The following CNTNAP2 variants were observed in gnomAD, a reference collection of about 807,000 sequenced individuals.
The protein encoded by CNTNAP2 is contactin-associated protein-like 2.
CNTNAP2 carries 98 observed loss-of-function variants against 155.2 expected under a neutral mutation model. The ratio of observed to expected loss-of-function variants is 0.63; its 90% confidence interval spans 0.54 to 0.75. The LOEUF (loss-of-function observed/expected upper bound fraction) is 0.75, where lower values mean the gene tolerates loss of function less well. Among genes scored for constraint, CNTNAP2 ranks in the 30% least tolerant of loss-of-function variants. CNTNAP2 has a pLI of 0.00. For missense variants in CNTNAP2, 1,727 were observed against 1,688.1 expected (o/e 1.02, Z -0.40); for synonymous variants, 651 against 631.2 (o/e 1.03, Z -0.47).
intron 1 of CNTNAP2, among the ~76,000 whole-genome samples, chr7:146,151,018 C>T (rs1584773938): frequency 6.6e-6 from 1 of 152,160 alleles, no homozygotes; most frequent in African/African-American, 2.4e-5. Flanking sequence ...AGCAAGGCAC[C>T]TTCATCACAA....
At chr7:146,549,902 C>G (rs1405313756) in intron 1 of CNTNAP2, among the ~76,000 whole-genome samples, 1 of 152,018 alleles carries the variant, frequency 6.6e-6, no homozygotes, top group African/African-American at 2.4e-5. Flanking sequence ...GCAGTAGAAT[C>G]AACACTGTAA....
At chr7:148,178,000 T>G (rs2116698933) in intron 18 of CNTNAP2, among the ~76,000 whole-genome samples, 1 of 152,208 alleles carries the variant, frequency 6.6e-6, no homozygotes, top group Non-Finnish European at 1.5e-5. Context: ...CTTGAATGTA[T>G]AGTTGAATCT....
intron 1 of CNTNAP2, among the ~76,000 whole-genome samples, chr7:146,651,505 T>C (rs1044371747): frequency 6.6e-6 from 1 of 152,200 alleles, no homozygotes; most frequent in African/African-American, 2.4e-5. Context: ...TAAACTGGTA[T>C]GGACATGTGG....
intron 3 of CNTNAP2, among the ~76,000 whole-genome samples, chr7:147,015,817 A>C (rs983985007): frequency 1.3e-5 from 2 of 152,098 alleles, no homozygotes; most frequent in African/African-American, 4.8e-5. Context: ...CTTATATTCT[A>C]TCTCTAATAT....
intron 10 of CNTNAP2, among the ~76,000 whole-genome samples, chr7:147,463,112 T>C (rs993149087): frequency 3.9e-5 from 6 of 152,230 alleles, no homozygotes; most frequent in African/African-American, 1.4e-4. Flanking sequence ...AGATGAGATT[T>C]GTGCCCTGGG....
In CNTNAP2 at chr7:147,810,262, A is replaced by G. The variant is rs567131279; in HGVS notation, c.2099-93303A>G. On this transcript the variant is annotated intron_variant, in intron 13 of 23. Coordinates refer to ENST00000361727, the MANE Select transcript of CNTNAP2 (RefSeq NM_014141.6). ...CAATAATATAATTTTACTTTTTAGCACACCAGAAGCATATTATTTTGGAAG... is the reference window on the plus strand; with the variant it reads ...CAATAATATAATTTTACTTTTTAGCGCACCAGAAGCATATTATTTTGGAAG... Among the ~76,000 whole-genome samples, 43 of 151,528 alleles carry G rather than the reference A, an allele frequency of 2.8e-4. No homozygotes were observed. The South Asian group carries it at 5.0e-3, about 18-fold the overall frequency.
chr7:147,259,723 G>T (rs551248391), intron 8 of CNTNAP2, among the ~76,000 whole-genome samples: 170 of 152,322 alleles, frequency 1.1e-3, no homozygotes, highest in Non-Finnish European at 2.1e-3. Flanking sequence ...CTCAAAGGTT[G>T]AGGCTGTTTT....
At chr7:147,417,937 C>A (rs759759976) in intron 10 of CNTNAP2, among the ~76,000 whole-genome samples, 38 of 152,160 alleles carry the variant, frequency 2.5e-4, no homozygotes, top group Non-Finnish European at 4.7e-4. Flanking sequence ...CATTTGCTAT[C>A]AAACTGGTTT....
intron 10 of CNTNAP2, among the ~76,000 whole-genome samples, chr7:147,436,525 C>A (rs2697453): frequency 0.33 from 49,803 of 151,878 alleles, 8,644 homozygotes; most frequent in Admixed American, 0.38. Context: ...ACAAGATAAA[C>A]TCAGAATACA....
rs1033988295 is a variant in CNTNAP2, at chr7:147,530,075, C to T, written c.1778-32063C>T. 1.7e-4 allele frequency among the ~76,000 whole-genome samples: 26 copies of T among 152,220 alleles called. 1 individual carries two copies. In the South Asian group the frequency reaches 1.9e-3, roughly 11 times the overall value. Reference sequence around the variant, plus strand: ...AATAACATCTGTATTAGTCTGTTTTCACACTGCTGATAAGGACATACCTGA... The same window carrying T: ...AATAACATCTGTATTAGTCTGTTTTTACACTGCTGATAAGGACATACCTGA... On this transcript the variant is annotated intron_variant, in intron 11 of 23. Transcript: ENST00000361727.
In CNTNAP2 at chr7:146,548,323, T is replaced by A. The variant is rs1256966087; in HGVS notation, c.98-225948T>A. Among the ~76,000 whole-genome samples, 4 of 152,198 alleles carry A rather than the reference T, an allele frequency of 2.6e-5. No individual in the cohort carries two copies. The East Asian group carries it at 7.7e-4, about 29-fold the overall frequency. On this transcript the variant is annotated intron_variant, in intron 1 of 23. Transcript: ENST00000361727. ...TGTTCTTTTTTATGGATGCATAGTATTCCTTGGTGTATGTGTACCACATTT... is the reference window on the plus strand; with the variant it reads ...TGTTCTTTTTTATGGATGCATAGTAATCCTTGGTGTATGTGTACCACATTT...
intron 13 of CNTNAP2, among the ~76,000 whole-genome samples, chr7:147,712,107 C>G (rs1796408940): frequency 6.6e-6 from 1 of 152,116 alleles, no homozygotes; most frequent in East Asian, 1.9e-4. Context: ...TACTCACGTT[C>G]CTTCAGGCAA....
At chr7:148,177,702 T>C (rs564696386) in intron 18 of CNTNAP2, among the ~76,000 whole-genome samples, 1 of 152,246 alleles carries the variant, frequency 6.6e-6, no homozygotes, top group South Asian at 2.1e-4. Flanking sequence ...AAGGAGATGG[T>C]TGTAGTAGCC....
rs1272806477 is a variant in CNTNAP2, at chr7:147,033,158, A to ATG, written c.403-10747_403-10746dup. Among the ~76,000 whole-genome samples, 52 of 74,626 alleles carry ATG rather than the reference A, an allele frequency of 7.0e-4. No individual in the cohort carries two copies. The South Asian group carries it at 7.1e-3, about 10-fold the overall frequency. 49.0% of individuals were successfully genotyped at this position (74,626 alleles called of 152,430 possible). Reference sequence around the variant, plus strand: ...AGAGGATATTGCTGCATATATATATATGTATATATATATATATATATATAT... The same window carrying ATG: ...AGAGGATATTGCTGCATATATATATATGTGTATATATATATATATATATATAT... On this transcript the variant is annotated intron_variant, in intron 3 of 23. Coordinates refer to ENST00000361727, the MANE Select transcript of CNTNAP2 (RefSeq NM_014141.6).
intron 1 of CNTNAP2, among the ~76,000 whole-genome samples, chr7:146,228,442 G>C (rs189694774): frequency 4.0e-4 from 61 of 152,244 alleles, no homozygotes; most frequent in Non-Finnish European, 6.6e-4. Context: ...TTGTATAAAA[G>C]TTAAATGAAT....
intron 8 of CNTNAP2, among the ~76,000 whole-genome samples, chr7:147,267,736 G>A (rs1474451156): frequency 1.3e-5 from 2 of 152,162 alleles, no homozygotes; most frequent in Non-Finnish European, 2.9e-5. Context: ...CATAAAATTT[G>A]TACTTAATTT....
intron 8 of CNTNAP2, among the ~76,000 whole-genome samples, chr7:147,223,473 T>G (rs1490983935): frequency 6.6e-6 from 1 of 152,098 alleles, no homozygotes; most frequent in African/African-American, 2.4e-5. Context: ...ACACTGCAGC[T>G]AAGGGACCCC....
intron 1 of CNTNAP2, among the ~76,000 whole-genome samples, chr7:146,528,973 A>G (rs868297431): frequency 6.6e-6 from 1 of 152,220 alleles, no homozygotes; most frequent in South Asian, 2.1e-4. Flanking sequence ...CAAAAATCTA[A>G]GAAAAGATTA....
At chr7:147,793,027 A>G (rs966313681) in intron 13 of CNTNAP2, among the ~76,000 whole-genome samples, 1 of 152,098 alleles carries the variant, frequency 6.6e-6, no homozygotes, top group African/African-American at 2.4e-5. Context: ...TTTTTTGCCC[A>G]CATTTTAATT....
Sources: allele counts gnomAD v4.1 joint callset (sites outside exome capture counted in the v4.1 genomes callset), GRCh38; gene constraint gnomAD v4.1.1; transcripts MANE v1.5; gene names NCBI Gene and HGNC (gene_info 2026-07-23, HGNC 2026-07-21).